TMEM132D: variants seen among roughly 807,000 people sequenced by gnomAD.
TMEM132D encodes transmembrane protein 132D.
Under a neutral mutation model 62.3 loss-of-function variants are expected in TMEM132D, and 21 were observed. That is an observed-to-expected ratio of 0.34 (90% CI 0.24 to 0.49). The LOEUF (loss-of-function observed/expected upper bound fraction) is 0.49. Among genes scored for constraint, TMEM132D ranks in the 20% least tolerant of loss-of-function variants. The pLI, the probability that TMEM132D is intolerant of heterozygous loss-of-function variation, is 0.99. For synonymous variants in TMEM132D, 621 were observed against 575.6 expected, an observed-to-expected ratio of 1.08 and a Z score of -1.13; for missense variants, 1,346 against 1,402.8, an observed-to-expected ratio of 0.96 and a Z score of 0.65.
At chr12:129,093,271 A>C (rs539445468) in intron 5 of TMEM132D, among the ~76,000 whole-genome samples, 1 of 152,162 alleles carries the variant, frequency 6.6e-6, no homozygotes, top group African/African-American at 2.4e-5. Flanking sequence ...ACATGATTGT[A>C]TATCTAGAAA....
At chr12:129,144,725 C>T (rs1876840697) in intron 5 of TMEM132D, among the ~76,000 whole-genome samples, 1 of 152,140 alleles carries the variant, frequency 6.6e-6, no homozygotes, top group African/African-American at 2.4e-5. Context: ...ACCTACTGAC[C>T]TACGTATCAT....
intron 2 of TMEM132D, among the ~76,000 whole-genome samples, chr12:129,669,216 C>T (rs1880445000): frequency 6.6e-6 from 1 of 152,062 alleles, no homozygotes; most frequent in Non-Finnish European, 1.5e-5. Flanking sequence ...ATTTTGTAAA[C>T]AAATATAAGT....
At chr12:129,599,118 A>G (rs1479095090) in intron 2 of TMEM132D, among the ~76,000 whole-genome samples, 1 of 152,164 alleles carries the variant, frequency 6.6e-6, no homozygotes, top group Non-Finnish European at 1.5e-5. Context: ...TGCAGAGAGG[A>G]GAGCACAGCT....
chr12:129,253,826 G>A (rs981518702), intron 4 of TMEM132D, among the ~76,000 whole-genome samples: 13 of 152,146 alleles, frequency 8.5e-5, no homozygotes, highest in Non-Finnish European at 1.6e-4. Flanking sequence ...TGGCTCTGGT[G>A]AGTCCTTCCA....
chr12:129,834,223 C>T (rs1390003504), intron 1 of TMEM132D, among the ~76,000 whole-genome samples: 1 of 152,126 alleles, frequency 6.6e-6, no homozygotes, highest in Non-Finnish European at 1.5e-5. Context: ...CTCGGATGTG[C>T]TATTCTCCCT....
chr12:129,632,100 A>C (rs1338414846), intron 2 of TMEM132D, among the ~76,000 whole-genome samples: 1 of 152,242 alleles, frequency 6.6e-6, no homozygotes, highest in South Asian at 2.1e-4. Context: ...AAATGACTTC[A>C]GGTATTTCGG....
rs375506313 is a variant in TMEM132D at position 129,074,226 on chromosome 12, C to A, written c.2949G>T (p.Ser983=). ...LLENHINFAS[S]QDEQITAIDR... The stretch of plus-strand genomic sequence containing the variant: ...CAATGGCAGTGATTTGCTCATCTTG[C>A]GAGGAGGCAAAGTTGATGTGATTCT... Residue 983 remains serine, a synonymous_variant, in exon 9 of 9, where the codon TCG becomes TCT. Transcript: ENST00000422113. The A allele has an allele frequency of 5.6e-6, 9 of 1,613,854 alleles. No homozygotes were observed. The African/African-American group carries it at 6.7e-5, about 12-fold the overall frequency.
Position 129,452,971 on chromosome 12 carries a change from A to T in TMEM132D, c.1115+78088T>A, listed in dbSNP as rs1423622927. 2.0e-5 allele frequency among the ~76,000 whole-genome samples: 3 copies of T among 152,148 alleles called. No homozygotes were observed. The East Asian group carries it at 5.8e-4, about 29-fold the overall frequency. The stretch of plus-strand genomic sequence containing the variant: ...CATACTGGTTGGTGGCCTGTTAGGT[A>T]CTGGACCCCACAGCAGGAGGTGAGT... On this transcript the variant is annotated intron_variant, in intron 3 of 8. Transcript: ENST00000422113.
At chr12:129,538,835 G>A (rs937260478) in intron 2 of TMEM132D, among the ~76,000 whole-genome samples, 63 of 151,266 alleles carry the variant, frequency 4.2e-4, no homozygotes, top group Non-Finnish European at 4.9e-4. Flanking sequence ...CCTGGCAATA[G>A]GTCAGAAGGA....
intron 3 of TMEM132D, chr12:129,521,452 T>A (rs1186683683): frequency 6.6e-6 from 1 of 152,178 alleles, no homozygotes; most frequent in Non-Finnish European, 1.5e-5. Context: ...AAATGGAAGT[T>A]AAGAGTTCCT....
rs535850656 is a variant in TMEM132D, at chr12:129,156,360, A to C, written c.1443+53160T>G. ...ATGATAACCAACTCACTCCCAAGAT[A>C]AATAACCCACTCCCAATATAATAAA... On this transcript the variant is annotated intron_variant, in intron 5 of 8. Transcript: ENST00000422113. Among the ~76,000 whole-genome samples, 10 of 152,242 alleles carry C rather than the reference A, an allele frequency of 6.6e-5. No homozygotes were observed. In the East Asian group the frequency reaches 1.7e-3, roughly 27 times the overall value.
At chr12:129,477,536 C>T (rs528682850) in intron 3 of TMEM132D, among the ~76,000 whole-genome samples, 2 of 152,268 alleles carry the variant, frequency 1.3e-5, no homozygotes, top group South Asian at 4.1e-4. Flanking sequence ...AATAGACAAA[C>T]AGGACTGGGT....
intron 5 of TMEM132D, among the ~76,000 whole-genome samples, chr12:129,155,061 C>T (rs183732514): frequency 1.7e-3 from 260 of 152,316 alleles, no homozygotes; most frequent in Non-Finnish European, 2.7e-3. Flanking sequence ...TGTGCACAAA[C>T]GAGAGATGCT....
intron 5 of TMEM132D, among the ~76,000 whole-genome samples, chr12:129,130,013 C>CTGTGTGTG (rs1555231632): frequency 1.5e-5 from 1 of 66,128 alleles, no homozygotes; most frequent in African/African-American, 5.5e-5. Context: ...CAAAGCTCTG[C>CTGTGTGTG]TCTGTGTGTG....
chr12:129,427,022 G>A (rs34092340), intron 3 of TMEM132D, among the ~76,000 whole-genome samples: 1 of 152,122 alleles, frequency 6.6e-6, no homozygotes, highest in Non-Finnish European at 1.5e-5. Flanking sequence ...TAAGACAGGG[G>A]CAGTGGAGCC....
intron 3 of TMEM132D, among the ~76,000 whole-genome samples, chr12:129,443,778 T>G (rs1331856507): frequency 6.6e-6 from 1 of 152,224 alleles, no homozygotes; most frequent in Admixed American, 6.5e-5. Context: ...TTCTCAGATC[T>G]GAATATGAGT....
chr12:129,899,588 GAAAAATTGATAGATAAATTCT>G (rs1465830708), intron 1 of TMEM132D, among the ~76,000 whole-genome samples: 2 of 152,296 alleles, frequency 1.3e-5, no homozygotes, highest in South Asian at 4.1e-4. Flanking sequence ...TGGATTAACA[GAAAAATTGATAGATAAATTCT>G]AAATATTGTG....
chr12:129,558,678 A>G (rs1877129355), intron 2 of TMEM132D, among the ~76,000 whole-genome samples: 1 of 152,212 alleles, frequency 6.6e-6, no homozygotes, highest in Non-Finnish European at 1.5e-5. Context: ...TCTGAAATGC[A>G]GAAGAGAATG....
chr12:129,536,288 A>G (rs1299953304), intron 2 of TMEM132D, among the ~76,000 whole-genome samples: 2 of 152,234 alleles, frequency 1.3e-5, no homozygotes, highest in African/African-American at 4.8e-5. Context: ...ATTTGGTGAT[A>G]GCATTCCTCC....
Sources: allele counts gnomAD v4.1 joint callset (sites outside exome capture counted in the v4.1 genomes callset), GRCh38; gene constraint gnomAD v4.1.1; transcripts MANE v1.5; gene names NCBI Gene and HGNC (gene_info 2026-07-23, HGNC 2026-07-21).